PPP1R21: variants seen among roughly 807,000 people sequenced by gnomAD.
PPP1R21 encodes the protein KLRAQ motif containing 1.
A neutral mutation model predicts 112.8 loss-of-function variants in PPP1R21; 85 were observed. The ratio of observed to expected loss-of-function variants is 0.75; its 90% CI spans 0.63 to 0.90. PPP1R21 has a LOEUF of 0.90. Among genes scored for constraint, PPP1R21 ranks in the 40% least tolerant of loss-of-function variants. The pLI, the probability that PPP1R21 is intolerant of heterozygous loss-of-function variation, is 0.00. For synonymous variants in PPP1R21, 381 were observed against 322.3 expected (o/e 1.18, Z -1.95); for missense variants, 1,199 against 901.5 (o/e 1.33, Z -4.23).
intron 19 of PPP1R21, among the ~76,000 whole-genome samples, chr2:48,509,511 G>T (rs535587426): frequency 6.6e-6 from 1 of 151,956 alleles, no homozygotes; most frequent in South Asian, 2.1e-4. Context: ...TTTGAGACCA[G>T]CCTGGACAAC....
chr2:48,477,560 C>T (rs972354659), intron 12 of PPP1R21, among the ~76,000 whole-genome samples: 2 of 152,012 alleles, frequency 1.3e-5, no homozygotes, highest in Non-Finnish European at 2.9e-5. Context: ...GGATTTATTT[C>T]TGGATTCTCA....
chr2:48,488,365 C>G (rs1052590750), intron 14 of PPP1R21, among the ~76,000 whole-genome samples: 3 of 151,216 alleles, frequency 2.0e-5, no homozygotes, highest in Non-Finnish European at 4.4e-5. Flanking sequence ...CTGTATTTGC[C>G]AACTTTTTTT....
intron 15 of PPP1R21, among the ~76,000 whole-genome samples, chr2:48,495,434 C>T (rs543503691): frequency 6.6e-6 from 1 of 152,138 alleles, no homozygotes; most frequent in Non-Finnish European, 1.5e-5. Flanking sequence ...GAATTCCTGA[C>T]CTTGTGATCC....
chr2:48,447,292 G>A (rs1478011238), intron 1 of PPP1R21, among the ~76,000 whole-genome samples: 1 of 152,150 alleles, frequency 6.6e-6, no homozygotes, highest in Non-Finnish European at 1.5e-5. Flanking sequence ...TGGCCAAAGT[G>A]AAGAAGGGCT....
At chr2:48,475,935 T>A (rs1199678603) in intron 12 of PPP1R21, among the ~76,000 whole-genome samples, 1 of 152,256 alleles carries the variant, frequency 6.6e-6, no homozygotes, top group Non-Finnish European at 1.5e-5. Flanking sequence ...TACTATGGTT[T>A]TTTTTAACAG....
chr2:48,515,246 C>CTCTCTCTCTCTCTCT lies in PPP1R21; in HGVS notation c.*503_*504insCTCTCTCTCTCTCTT, dbSNP rs754737154. ...TCTCTCTCTCTCTCTCTCTCTCTCT[C>CTCTCTCTCTCTCTCT]TTCTTTCTCTCTGAGGGAGAGGGAG... On this transcript the variant is annotated 3_prime_UTR_variant, in exon 22 of 22. Transcript: ENST00000294952. The CTCTCTCTCTCTCTCT allele has an allele frequency of 6.9e-6, 1 of 145,486 alleles. No individual in the cohort carries two copies. Among genetic ancestry groups the CTCTCTCTCTCTCTCT allele is most frequent in the African/African-American group, 2.6e-5 (1 of 39,134 alleles). The allele number at this position is 145,486 out of a possible 1,614,324, so 9.0% of individuals were successfully genotyped here. A position where few individuals can be genotyped will look rare whatever the true frequency, so the allele number is the denominator to read the frequency against.
chr2:48,477,088 A>G (rs777454592), intron 12 of PPP1R21, among the ~76,000 whole-genome samples: 5 of 137,734 alleles, frequency 3.6e-5, no homozygotes, highest in Non-Finnish European at 6.4e-5. Context: ...TCTTACTTAC[A>G]CTTAGGTTTA....
At chr2:48,450,652 T>C (rs1004618671) in intron 1 of PPP1R21, among the ~76,000 whole-genome samples, 9 of 152,256 alleles carry the variant, frequency 5.9e-5, no homozygotes, top group African/African-American at 1.9e-4. Flanking sequence ...TCAAGGAACA[T>C]GGCATATTCA....
intron 16 of PPP1R21, among the ~76,000 whole-genome samples, chr2:48,498,233 T>G (rs1669937999): frequency 2.0e-5 from 3 of 152,034 alleles, no homozygotes; most frequent in Non-Finnish European, 4.4e-5. Flanking sequence ...TCTAATTCAA[T>G]TCTGAGTTTT....
chr2:48,464,032 C>T (rs1668096274), intron 7 of PPP1R21, among the ~76,000 whole-genome samples: 1 of 151,930 alleles, frequency 6.6e-6, no homozygotes, highest in African/African-American at 2.4e-5. Context: ...GAGTTGAAGC[C>T]CCCTGGAGTT....
chr2:48,503,837 C>A (rs1200962414), intron 17 of PPP1R21, among the ~76,000 whole-genome samples: 6 of 151,048 alleles, frequency 4.0e-5, no homozygotes, highest in Non-Finnish European at 7.4e-5. Context: ...CCTGTAATCC[C>A]ATCTACTCGG....
At chr2:48,502,049 A>G (rs1670142087) in intron 17 of PPP1R21, 2 of 152,174 alleles carry the variant, frequency 1.3e-5, no homozygotes, top group Non-Finnish European at 2.9e-5. Context: ...TGAGTTGTTA[A>G]TGTCAGTTGC....
chr2:48,459,904 A>G lies in PPP1R21; in HGVS notation c.526A>G (p.Lys176Glu), dbSNP rs1667901647. 1 of 1,613,940 alleles carries G rather than the reference A, an allele frequency of 6.2e-7. No individual in the cohort carries two copies. Among genetic ancestry groups the G allele is most frequent in the South Asian group, 1.1e-5 (1 of 91,068 alleles). ...AACCATTGAGAAGCTGCAGAACGAC[A>G]AGGCTAAACTAGAAGTAAGCCCCAT... ...METIEKLQND[K>E]AKLEVKSQTL... Residue 176 changes from lysine (K) to glutamate (E), a missense_variant, in exon 5 of 22, where the codon AAG becomes GAG. By Grantham distance (56) the Lys-to-Glu change is moderately conservative (BLOSUM62 1). Coordinates refer to ENST00000294952, the MANE Select transcript of PPP1R21 (RefSeq NM_001135629.3).
rs1328736794 is a variant in PPP1R21, at chr2:48,507,327, T to C, written c.2027T>C (p.Val676Ala). 1.3e-6 allele frequency: 2 copies of C among 1,595,810 alleles called. No individual in the cohort carries two copies. The highest frequency in any genetic ancestry group is 1.7e-6 in the Non-Finnish European group (2 of 1,174,046). Residue 676 changes from valine (V) to alanine (A), a missense_variant, in exon 19 of 22, where the codon GTG becomes GCG. By Grantham distance (64) the Val-to-Ala change is moderately conservative (BLOSUM62 0). Transcript: ENST00000294952. ...LIKNHYMARIVELTSQLQLAD... is the reference protein window; with the variant it reads ...LIKNHYMARIAELTSQLQLAD... ...AAAAATCACTACATGGCAAGGATAG[T>C]GGAACTTACGTCTCAGTTGCAGCTG...
rs1486619692 is a variant in PPP1R21, at chr2:48,471,347, T to C, written c.1068T>C (p.Ile356=). The C allele has an allele frequency of 3.1e-6, 5 of 1,609,302 alleles. No homozygotes were observed. The highest frequency in any genetic ancestry group is 1.3e-5 in the African/African-American group (1 of 74,608). The change falls in exon 11 of 22, where the codon ATT becomes ATC. Residue 356 remains isoleucine (I), a synonymous_variant. Transcript: ENST00000294952. The part of the protein sequence containing the change: ...LTSYICFLRK[I]LPYQLKSLEE... Reference sequence around the variant, plus strand: ...CCTACATATGTTTTCTTAGGAAGATTCTTCCCTATCAGTTAAAAAGGTAGT... The same window carrying C: ...CCTACATATGTTTTCTTAGGAAGATCCTTCCCTATCAGTTAAAAAGGTAGT...
chr2:48,513,492 G>C (rs1225822881), intron 21 of PPP1R21, among the ~76,000 whole-genome samples: 8 of 151,862 alleles, frequency 5.3e-5, no homozygotes, highest in Non-Finnish European at 5.9e-5. Flanking sequence ...TTACAGGCGT[G>C]AATCACAGCA....
At chr2:48,455,764 C>T (rs1667693232) in intron 3 of PPP1R21, among the ~76,000 whole-genome samples, 2 of 151,960 alleles carry the variant, frequency 1.3e-5, no homozygotes, top group South Asian at 4.2e-4. Flanking sequence ...CCTGTAATCC[C>T]AGCACTTTGG....
intron 15 of PPP1R21, among the ~76,000 whole-genome samples, chr2:48,492,279 C>G (rs1669600602): frequency 6.6e-6 from 1 of 152,134 alleles, no homozygotes; most frequent in African/African-American, 2.4e-5. Flanking sequence ...AGCATGCAAT[C>G]TATAAACAAA....
At chr2:48,498,384 T>G in intron 16 of PPP1R21, 109 bp from the exon 17 acceptor site, 3 of 1,023,156 alleles carry the variant, frequency 2.9e-6, no homozygotes, top group Non-Finnish European at 4.3e-6. Flanking sequence ...TATTATTATA[T>G]TTTTACCTCT....
Sources: gnomAD v4.1 joint callset for allele counts (sites outside exome capture counted in the v4.1 genomes callset) on GRCh38, gnomAD v4.1.1 for gene constraint, MANE v1.5 for transcripts, NCBI Gene and HGNC (gene_info 2026-07-23, HGNC 2026-07-21) for gene names.